LVRN: variants seen among roughly 807,000 people sequenced by gnomAD.
LVRN encodes the protein laeverin, also known as aminopeptidase Q.
LVRN carries 99 observed loss-of-function variants against 111.4 expected under a neutral mutation model. That is an observed-to-expected ratio of 0.89 (90% CI 0.76 to 1.05). The LOEUF (loss-of-function observed/expected upper bound fraction) is 1.05. Ranked by LOEUF, LVRN falls within the 50% of genes least tolerant of loss-of-function variation. The pLI is 0.00. For synonymous variants in LVRN, 488 were observed against 449.5 expected, an observed-to-expected ratio of 1.09 and a Z score of -1.08; for missense variants, 1,414 against 1,206.8, an observed-to-expected ratio of 1.17 and a Z score of -2.54.
At chr5:115,964,229 G>T (rs1688214399) in intron 1 of LVRN, among the ~76,000 whole-genome samples, 1 of 152,058 alleles carries the variant, frequency 6.6e-6, no homozygotes, top group African/African-American at 2.4e-5. Flanking sequence ...GAGCATTTGC[G>T]CCGTACACAA....
intron 1 of LVRN, among the ~76,000 whole-genome samples, chr5:115,964,134 ACT>A (rs1412884714): frequency 1.3e-5 from 2 of 152,172 alleles, no homozygotes. Context: ...CCTCCGGCGA[ACT>A]CCAGGGAAAT....
At chr5:116,010,590 T>C (rs1748466545) in intron 13 of LVRN, 151 bp from the exon 14 acceptor site, 2 of 818,216 alleles carry the variant, frequency 2.4e-6, no homozygotes, top group African/African-American at 3.4e-5. Flanking sequence ...TTTCATCCTT[T>C]CTATAAGATG....
chr5:116,011,438 GA>G (rs908057539), intron 14 of LVRN, among the ~76,000 whole-genome samples: 14 of 150,798 alleles, frequency 9.3e-5, no homozygotes, highest in South Asian at 2.1e-4. Context: ...CATAATAAAT[GA>G]AAAAAAAATT....
At chr5:115,994,963 T>G (rs1018575922) in intron 6 of LVRN, among the ~76,000 whole-genome samples, 1 of 152,204 alleles carries the variant, frequency 6.6e-6, no homozygotes, top group African/African-American at 2.4e-5. Flanking sequence ...TCCTCAGGAT[T>G]GCTCCTTCCT....
At position 116,001,082 on chromosome 5, in the gene LVRN, A is replaced by C; in HGVS notation, c.1663A>C (p.Ser555Arg). Reference sequence around the variant, plus strand: ...TTTAAAACAGGCCATAGATGACCAGAGTACAGTTATTTTGCCAGCAACAAT... The same window carrying C: ...TTTAAAACAGGCCATAGATGACCAGCGTACAGTTATTTTGCCAGCAACAAT... The part of the protein sequence containing the change: ...RHFQMAIDDQ[S>R]TVILPATIKN... The change falls in exon 10 of 20, where the codon AGT becomes CGT. Residue 555 changes from serine to arginine, a missense_variant. Physicochemically the swap from Ser to Arg is moderately radical, Grantham distance 110. Coordinates refer to ENST00000357872, the MANE Select transcript of LVRN (RefSeq NM_173800.5). 1 of 1,608,824 alleles carries C rather than the reference A, an allele frequency of 6.2e-7. No individual in the cohort carries two copies. Among genetic ancestry groups the C allele is most frequent in the Non-Finnish European group, 8.5e-7 (1 of 1,178,640 alleles).
chr5:116,001,308 C>T (rs1363932493), intron 10 of LVRN, 69 bp downstream of exon 10: 19 of 1,553,540 alleles, frequency 1.2e-5, no homozygotes, highest in Non-Finnish European at 1.5e-5. Context: ...GGAATCCAGC[C>T]TGTGGGTGAA....
At chr5:115,974,965 G>T (rs770545486) in intron 1 of LVRN, 1 of 414,480 alleles carries the variant, frequency 2.4e-6, no homozygotes, top group Non-Finnish European at 4.8e-6. Context: ...CTGCCTTTTG[G>T]GAAATGAAGA....
intron 6 of LVRN, among the ~76,000 whole-genome samples, chr5:115,998,750 C>T (rs1748172963): frequency 6.6e-6 from 1 of 152,282 alleles, no homozygotes; most frequent in South Asian, 2.1e-4. Context: ...TGAATCAGAA[C>T]ATGATTTTGA....
At chr5:116,021,602 C>T in intron 18 of LVRN, 1 of 313,798 alleles carries the variant, frequency 3.2e-6, no homozygotes. Flanking sequence ...ATTTCAAGTA[C>T]ATATTTTTGA....
intron 18 of LVRN, among the ~76,000 whole-genome samples, chr5:116,019,435 G>T (rs947946249): frequency 6.6e-6 from 1 of 152,060 alleles, no homozygotes; most frequent in Non-Finnish European, 1.5e-5. Context: ...AAAGTCCCCA[G>T]TTTACAACAG....
chr5:115,987,135 C>G (rs1420072925), intron 3 of LVRN, among the ~76,000 whole-genome samples: 1 of 151,968 alleles, frequency 6.6e-6, no homozygotes, highest in African/African-American at 2.4e-5. Context: ...GCTCCAATTA[C>G]ACAAACAATA....
intron 5 of LVRN, among the ~76,000 whole-genome samples, chr5:115,992,572 A>G (rs1748020688): frequency 6.6e-6 from 1 of 152,214 alleles, no homozygotes; most frequent in African/African-American, 2.4e-5. Flanking sequence ...CCATGCAGAC[A>G]CAGGAGTATT....
chr5:115,965,659 G>A (rs777476774), intron 1 of LVRN, among the ~76,000 whole-genome samples: 82 of 152,192 alleles, frequency 5.4e-4, no homozygotes, highest in Non-Finnish European at 8.8e-4. Context: ...GGAACATGGG[G>A]GTGGTTTCCC....
chr5:115,979,807 T>G (rs1753524286), intron 1 of LVRN, among the ~76,000 whole-genome samples: 1 of 152,194 alleles, frequency 6.6e-6, no homozygotes, highest in South Asian at 2.1e-4. Flanking sequence ...CCTAAGAGTT[T>G]TATTTAATAC....
intron 14 of LVRN, 79 bp from the exon 15 acceptor site, chr5:116,012,295 A>G (rs1748506571): frequency 2.6e-6 from 2 of 774,964 alleles, no homozygotes; most frequent in African/African-American, 1.8e-5. Flanking sequence ...ATGTCTTTTC[A>G]GATAAATAAA....
chr5:116,004,367 G>C (rs148378752), intron 12 of LVRN, among the ~76,000 whole-genome samples: 1 of 152,196 alleles, frequency 6.6e-6, no homozygotes, highest in Non-Finnish European at 1.5e-5. Flanking sequence ...AGTTGGCTCT[G>C]CTGTGACTTG....
At chr5:115,986,416 A>G (rs1427921054) in intron 3 of LVRN, among the ~76,000 whole-genome samples, 1 of 152,200 alleles carries the variant, frequency 6.6e-6, no homozygotes, top group African/African-American at 2.4e-5. Flanking sequence ...CCATTCTTGT[A>G]GCGGGATGAT....
At chr5:115,967,809 T>C (rs1753234345) in intron 1 of LVRN, among the ~76,000 whole-genome samples, 1 of 152,234 alleles carries the variant, frequency 6.6e-6, no homozygotes, top group South Asian at 2.1e-4. Flanking sequence ...ACACATTTTG[T>C]TAGATTCACA....
At chr5:115,979,414 G>A (rs968320776) in intron 1 of LVRN, among the ~76,000 whole-genome samples, 16 of 152,020 alleles carry the variant, frequency 1.1e-4, no homozygotes, top group South Asian at 4.2e-4. Flanking sequence ...CCCTGAGAGC[G>A]TGGAAAGCTT....
Sources: gnomAD v4.1 joint callset for allele counts (sites outside exome capture counted in the v4.1 genomes callset) on GRCh38, gnomAD v4.1.1 for gene constraint, MANE v1.5 for transcripts, NCBI Gene and HGNC (gene_info 2026-07-23, HGNC 2026-07-21) for gene names.